Variants in AKAP17A observed in about 807,000 individuals in gnomAD.
AKAP17A encodes A-kinase anchoring protein 17A, also known as A-kinase anchor protein 17A.
Under a neutral mutation model 52.2 loss-of-function variants are expected in AKAP17A, and 15 were observed. That is an observed-to-expected ratio of 0.29 (90% CI 0.19 to 0.44). The LOEUF is 0.44. Among genes scored for constraint, AKAP17A ranks in the 20% least tolerant of loss-of-function variants. The pLI, the probability that AKAP17A is intolerant of heterozygous loss-of-function variation, is 1.00. For synonymous variants in AKAP17A, 514 were observed against 424.7 expected, an observed-to-expected ratio of 1.21 and a Z score of -2.58; for missense variants, 1,060 against 1,007.0, an observed-to-expected ratio of 1.05 and a Z score of -0.71.
rs149763206 is a variant in AKAP17A, at chrX:1,599,264, G to A, written c.984G>A (p.Lys328=). 2.8e-3 allele frequency: 4,584 copies of A among 1,612,638 alleles called. 9 individuals carry two copies. Among genetic ancestry groups the A allele is most frequent in the Non-Finnish European group, 3.7e-3 (4,307 of 1,179,770 alleles). ...AGAAGCTTCGCAAGAGGGAGCAGAA[G>A]CAGAGGGACCGTGAGCTGCGCCGGA... ...REEKLRKREQ[K]QRDRELRRNQ... Residue 328 remains lysine, a synonymous_variant, in exon 4 of 5, where the codon AAG becomes AAA. Coordinates refer to ENST00000313871, the MANE Select transcript of AKAP17A (RefSeq NM_005088.3).
chrX:1,595,653 C>G, intron 3 of AKAP17A, 121 bp downstream of exon 3: 24 of 1,469,744 alleles, frequency 1.6e-5, no homozygotes, highest in Non-Finnish European at 2.2e-5. Context: ...TGCTTGTGAG[C>G]TTGTGTGTGT....
At position 1,593,832 on chromosome X, in the gene AKAP17A, C is replaced by T. The variant is rs763312035; in HGVS notation, c.370C>T (p.Arg124Cys). Reference sequence around the variant, plus strand: ...CGAGTTCAAGATCGACTTCCCCACCCGCCACGACTGGGACTCCTTCTTCCG... The same window carrying T: ...CGAGTTCAAGATCGACTTCCCCACCTGCCACGACTGGGACTCCTTCTTCCG... ...AAEFKIDFPT[R>C]HDWDSFFRDA... Residue 124 changes from arginine to cysteine, a missense_variant, in exon 2 of 5, where the codon CGC becomes TGC. Physicochemically the swap from Arg to Cys is radical, Grantham distance 180 (BLOSUM62 -3). Coordinates refer to ENST00000313871, the MANE Select transcript of AKAP17A (RefSeq NM_005088.3). 5 of 1,610,760 alleles carry T rather than the reference C, an allele frequency of 3.1e-6. No homozygotes were observed. Among genetic ancestry groups the T allele is most frequent in the Non-Finnish European group, 4.2e-6 (5 of 1,178,056 alleles).
At position 1,602,425 on chromosome X, in the gene AKAP17A, C is replaced by G. The variant is rs1479857530; in HGVS notation, c.*831C>G. On this transcript the variant is annotated 3_prime_UTR_variant, in exon 5 of 5. Coordinates refer to ENST00000313871, the MANE Select transcript of AKAP17A (RefSeq NM_005088.3). ...CTTCTCCAAGTGAAGCTCAGAAATA[C>G]CTAAAAATAGCTGTAACGTTCGCGT... 1 of 152,104 alleles carries G rather than the reference C, an allele frequency of 6.6e-6. No individual in the cohort carries two copies. The highest frequency in any genetic ancestry group is 1.9e-4 in the East Asian group (1 of 5,202). 9.4% of individuals were successfully genotyped at this position (152,104 alleles called of 1,614,324 possible).
intron 3 of AKAP17A, among the ~76,000 whole-genome samples, chrX:1,597,249 G>T (rs1417484749): frequency 3.2e-4 from 49 of 152,214 alleles, no homozygotes; most frequent in Non-Finnish European, 5.9e-4. Flanking sequence ...CTCCCCAGGG[G>T]AGAGTCGGGT....
chrX:1,591,792 C>T (rs1372633211), intron 1 of AKAP17A, 23 bp downstream of exon 1: 3 of 151,214 alleles, frequency 2.0e-5, no homozygotes, highest in African/African-American at 7.3e-5. Flanking sequence ...CCCGTGCCTC[C>T]CGGGCCTGGC....
At chrX:1,593,093 C>G (rs1932867313) in intron 1 of AKAP17A, among the ~76,000 whole-genome samples, 2 of 152,126 alleles carry the variant, frequency 1.3e-5, no homozygotes, top group South Asian at 4.1e-4. Flanking sequence ...CGTCCCCGTT[C>G]CTACTTGACC....
Position 1,593,577 on chromosome X carries a change from C to G in AKAP17A, c.115C>G (p.Leu39Val). ...KMTISVALPQ[L>V]KQPGKSISNW... ...GACCATCAGCGTGGCACTCCCGCAG[C>G]TGAAGCAGCCGGGGAAGTCCATCTC... Residue 39 changes from leucine (L) to valine (V), a missense_variant, in exon 2 of 5, where the codon CTG becomes GTG. By Grantham distance (32) the Leu-to-Val change is conservative (BLOSUM62 1). This residue lies in a region of AKAP17A where 267 missense variants were observed against 377.1 expected (regional missense o/e 0.71). Coordinates refer to ENST00000313871, the MANE Select transcript of AKAP17A (RefSeq NM_005088.3). 6.2e-7 allele frequency: 1 copy of G among 1,613,810 alleles called. No homozygotes were observed. The highest frequency in any genetic ancestry group is 8.5e-7 in the Non-Finnish European group (1 of 1,179,870).
At chrX:1,596,453 CCTCCCACCCTCCTAGTGAGGTGG>C (rs1445515253) in intron 3 of AKAP17A, among the ~76,000 whole-genome samples, 141 of 103,926 alleles carry the variant, frequency 1.4e-3, no homozygotes, top group African/African-American at 5.0e-3. Flanking sequence ...CTCCTCCATC[CCTCCCACCCTCCTAGTGAGGTGG>C]ATTCCTCCTC....
chrX:1,600,289 C>G, intron 4 of AKAP17A: 1 of 1,008,234 alleles, frequency 9.9e-7, no homozygotes, highest in Admixed American at 2.4e-5. Context: ...GGCGTCATCT[C>G]AGCTCCCTGT....
chrX:1,599,508 C>A (rs199904816), intron 4 of AKAP17A, 76 bp downstream of exon 4: 381 of 1,544,304 alleles, frequency 2.5e-4, no homozygotes, highest in South Asian at 1.0e-3. Context: ...ATGCGGGCGG[C>A]GTCACGGCGC....
chrX:1,594,170 GATGAAACTC>G lies in AKAP17A; in HGVS notation c.712_720del (p.Lys238_Met240del). The G allele has an allele frequency of 6.3e-7, 1 of 1,594,510 alleles. No individual in the cohort carries two copies. Among genetic ancestry groups the G allele is most frequent in the Non-Finnish European group, 8.6e-7 (1 of 1,168,378 alleles). ...TCCAGGCCATGAGCGCCCTGCGCGGGATGAAACTCATGTACAAGGGCGAGGACGGCAAGG... is the reference window on the plus strand; with the variant it reads ...TCCAGGCCATGAGCGCCCTGCGCGGGATGTACAAGGGCGAGGACGGCAAGG... On this transcript the variant is annotated inframe_deletion, in exon 2 of 5. Transcript: ENST00000313871.
At position 1,600,692 on chromosome X, in the gene AKAP17A, G is replaced by A. The variant is rs775781192; in HGVS notation, c.1186G>A (p.Glu396Lys). ...GCTACGGGAACAGGAGCAGAAGGAG[G>A]AGAAGCTGAGGCTCCAGCAGCAGGA... ...VKLREQEQKEEKLRLQQQEER... is the reference protein window; with the variant it reads ...VKLREQEQKEKKLRLQQQEER... The change falls in exon 5 of 5, where the codon GAG (glutamate) becomes AAG (lysine). Residue 396 changes from glutamate to lysine, a missense_variant. This residue lies in a region of AKAP17A where 793 missense variants were observed against 629.9 expected (regional missense o/e 1.26). Coordinates refer to ENST00000313871, the MANE Select transcript of AKAP17A (RefSeq NM_005088.3). 7.8e-6 allele frequency: 12 copies of A among 1,545,172 alleles called. No homozygotes were observed. Among genetic ancestry groups the A allele is most frequent in the Middle Eastern group, 4.4e-4 (2 of 4,544 alleles).
In AKAP17A at chrX:1,601,716, A is replaced by C; in HGVS notation, c.*122A>C. On this transcript the variant is annotated 3_prime_UTR_variant, in exon 5 of 5. Transcript: ENST00000313871. ...AGCCAAGACCCTTCTGCAGCCACGA[A>C]TGTCCACGGAGCCCGCCGGCAGGAA... 2.1e-6 allele frequency: 2 copies of C among 931,318 alleles called. No individual in the cohort carries two copies. The highest frequency in any genetic ancestry group is 2.9e-6 in the Non-Finnish European group (2 of 692,042). The allele number at this position is 931,318 out of a possible 1,614,324, so 57.7% of individuals were successfully genotyped here.
intron 3 of AKAP17A, among the ~76,000 whole-genome samples, chrX:1,597,238 C>A (rs192389210): frequency 1.4e-3 from 207 of 152,328 alleles, no homozygotes; most frequent in African/African-American, 4.9e-3. Context: ...GCCCCCGTTG[C>A]CTCCCCAGGG....
intron 3 of AKAP17A, among the ~76,000 whole-genome samples, chrX:1,595,733 G>A (rs374579625): frequency 1.2e-3 from 190 of 152,036 alleles, no homozygotes; most frequent in African/African-American, 4.3e-3. Flanking sequence ...ATGTGCGCCC[G>A]AGTGTGTGCC....
At position 1,601,678 on chromosome X, in the gene AKAP17A, T is replaced by C; in HGVS notation, c.*84T>C. 2 of 1,286,058 alleles carry C rather than the reference T, an allele frequency of 1.6e-6. No individual in the cohort carries two copies. Among genetic ancestry groups the C allele is most frequent in the Non-Finnish European group, 2.0e-6 (2 of 997,584 alleles). 79.7% of individuals were successfully genotyped at this position (1,286,058 alleles called of 1,614,324 possible). A position where few individuals can be genotyped will look rare whatever the true frequency, so the allele number is the denominator to read the frequency against. On this transcript the variant is annotated 3_prime_UTR_variant, in exon 5 of 5. Coordinates refer to ENST00000313871, the MANE Select transcript of AKAP17A (RefSeq NM_005088.3). Reference sequence around the variant, plus strand: ...CTGGCCGCTCCTTGGCCGCTCTCCGTCCACCCCTGCAAAGCCAAGACCCTT... The same window carrying C: ...CTGGCCGCTCCTTGGCCGCTCTCCGCCCACCCCTGCAAAGCCAAGACCCTT...
chrX:1,595,285 T>A, intron 2 of AKAP17A, 99 bp from the exon 3 acceptor site: 1 of 1,542,234 alleles, frequency 6.5e-7, no homozygotes, highest in Non-Finnish European at 8.8e-7. Context: ...GCGCTCAGGC[T>A]CTGAGGCCAC....
rs1932921597 is a variant in AKAP17A at position 1,595,233 on chromosome X, GTCTGCACCGGACATGAGTGGTGAGCGGT to G, written c.763-150_763-123del. 1.3e-3 allele frequency: 232 copies of G among 181,788 alleles called. 83 individuals carry two copies. The highest frequency in any genetic ancestry group is 8.2e-3 in the East Asian group (39 of 4,748). The allele number at this position is 181,788 out of a possible 1,614,324, so 11.3% of individuals were successfully genotyped here. Reference sequence around the variant, plus strand: ...TTGGCTTCTGGGCTCCACTGTCTGGGTCTGCACCGGACATGAGTGGTGAGCGGTGAGCGGTGAGCGGGCGCTCAGGCTC... The same window carrying G: ...TTGGCTTCTGGGCTCCACTGTCTGGGGAGCGGTGAGCGGGCGCTCAGGCTC... On this transcript the variant is annotated intron_variant, in intron 2 of 4. Coordinates refer to ENST00000313871, the MANE Select transcript of AKAP17A (RefSeq NM_005088.3).
chrX:1,595,368 G>C lies in AKAP17A; in HGVS notation c.763-16G>C, dbSNP rs1569349657. Reference sequence around the variant, plus strand: ...TTTTGGGGGAAGGCCATCTGACACTGTTTTTGCTTTTAAAGGTTTCTTTTG... The same window carrying C: ...TTTTGGGGGAAGGCCATCTGACACTCTTTTTGCTTTTAAAGGTTTCTTTTG... On this transcript the variant is annotated splice_polypyrimidine_tract_variant and intron_variant, in intron 2 of 4. Coordinates refer to ENST00000313871, the MANE Select transcript of AKAP17A (RefSeq NM_005088.3). 6.2e-7 allele frequency: 1 copy of C among 1,613,470 alleles called. No homozygotes were observed. The highest frequency in any genetic ancestry group is 8.5e-7 in the Non-Finnish European group (1 of 1,179,806).
Sources: gnomAD v4.1 joint callset for allele counts (sites outside exome capture counted in the v4.1 genomes callset) on GRCh38, gnomAD v4.1.1 for gene constraint, gnomAD v4.1.1 regional missense constraint, MANE v1.5 for transcripts, NCBI Gene and HGNC (gene_info 2026-07-23, HGNC 2026-07-21) for gene names.